Variants in SOX13 observed in about 807,000 individuals in gnomAD.
The protein encoded by SOX13 is transcription factor SOX-13.
A neutral mutation model predicts 71.8 loss-of-function variants in SOX13; 28 were observed. The ratio of observed to expected loss-of-function variants is 0.39; its 90% CI spans 0.29 to 0.53. The LOEUF is 0.53. Among genes scored for constraint, SOX13 ranks in the 20% least tolerant of loss-of-function variants. SOX13 has a pLI of 0.70. For missense variants in SOX13, 627 were observed against 810.3 expected (o/e 0.77, Z 2.75); for synonymous variants, 309 against 317.8 (o/e 0.97, Z 0.29).
At chr1:204,085,211 G>T (rs1655991372) in intron 1 of SOX13, among the ~76,000 whole-genome samples, 1 of 152,208 alleles carries the variant, frequency 6.6e-6, no homozygotes. Flanking sequence ...TATAGTACCA[G>T]CACAGACAGA....
intron 1 of SOX13, among the ~76,000 whole-genome samples, chr1:204,089,789 C>T (rs1656104387): frequency 6.6e-6 from 1 of 152,210 alleles, no homozygotes; most frequent in Non-Finnish European, 1.5e-5. Flanking sequence ...CAGGGCTCAT[C>T]ACTGGTCCCC....
intron 1 of SOX13, among the ~76,000 whole-genome samples, chr1:204,099,678 G>C (rs1656322710): frequency 6.6e-6 from 1 of 152,054 alleles, no homozygotes; most frequent in Admixed American, 6.6e-5. Flanking sequence ...CTCCCAAAGT[G>C]CTGGGATTAC....
intron 1 of SOX13, among the ~76,000 whole-genome samples, chr1:204,085,935 C>T (rs1421403341): frequency 2.7e-5 from 4 of 149,850 alleles, no homozygotes; most frequent in Non-Finnish European, 5.9e-5. Flanking sequence ...TGCCACTGCA[C>T]TTCAGCCTGG....
At chr1:204,074,804 A>G (rs1237061898) in intron 1 of SOX13, among the ~76,000 whole-genome samples, 7 of 152,242 alleles carry the variant, frequency 4.6e-5, no homozygotes, top group Non-Finnish European at 1.5e-5. Context: ...CCCGCCCTGG[A>G]GGGCCCGCGG....
intron 1 of SOX13, among the ~76,000 whole-genome samples, chr1:204,098,488 T>TTTGTTG (rs573774494): frequency 1.3e-5 from 2 of 151,628 alleles, no homozygotes; most frequent in Admixed American, 6.6e-5. Context: ...AAAAAAAAAT[T>TTTGTTG]TTGTTGTTGT....
At chr1:204,084,329 T>G (rs1183907391) in intron 1 of SOX13, among the ~76,000 whole-genome samples, 3 of 151,992 alleles carry the variant, frequency 2.0e-5, no homozygotes, top group South Asian at 2.1e-4. Context: ...CAGGCAGCTG[T>G]GGGGGGTGCA....
chr1:204,114,592 C>A lies in SOX13; in HGVS notation c.405C>A (p.Ala135=). 6.2e-7 allele frequency: 1 copy of A among 1,612,232 alleles called. No homozygotes were observed. Among genetic ancestry groups the A allele is most frequent in the Non-Finnish European group, 8.5e-7 (1 of 1,178,376 alleles). The part of the protein sequence containing the change: ...ERFLGRNSME[A]KDVKGTQESL... The stretch of plus-strand genomic sequence containing the variant: ...TTCTAGGAAGGAACTCTATGGAAGC[C>A]AAAGATGTCAAAGGTGAAGGCCTGT... The change falls in exon 4 of 14, where the codon GCC becomes GCA. Residue 135 remains alanine, a synonymous_variant. Coordinates refer to ENST00000367204, the MANE Select transcript of SOX13 (RefSeq NM_005686.3).
At chr1:204,077,302 C>T (rs930310764) in intron 1 of SOX13, among the ~76,000 whole-genome samples, 8 of 152,202 alleles carry the variant, frequency 5.3e-5, no homozygotes, top group Non-Finnish European at 5.9e-5. Context: ...GCAGGCGATG[C>T]ATCCATCAGA....
chr1:204,115,492 TAAA>T (rs71145062), intron 4 of SOX13, among the ~76,000 whole-genome samples: 1 of 49,928 alleles, frequency 2.0e-5, no homozygotes, highest in Non-Finnish European at 3.6e-5. Flanking sequence ...TTTTTTTTTT[TAAA>T]AAAAAAAAAA....
intron 4 of SOX13, chr1:204,116,017 T>C (rs1656685251): frequency 2.5e-6 from 1 of 398,358 alleles, no homozygotes; most frequent in South Asian, 2.3e-5. Flanking sequence ...ATTATTATTA[T>C]GCCCACTTAC....
chr1:204,092,096 G>A (rs377321422), intron 1 of SOX13, among the ~76,000 whole-genome samples: 2 of 152,108 alleles, frequency 1.3e-5, no homozygotes, highest in East Asian at 3.9e-4. Context: ...TGCCCAGGCT[G>A]GAGTGCAGTG....
chr1:204,086,602 G>T (rs577541253), intron 1 of SOX13, among the ~76,000 whole-genome samples: 2 of 152,126 alleles, frequency 1.3e-5, no homozygotes, highest in East Asian at 3.9e-4. Flanking sequence ...CACCTGGCCT[G>T]CCTTCAACTT....
At chr1:204,117,462 C>T (rs1318007600) in intron 6 of SOX13, 131 bp from the exon 7 acceptor site, 2 of 686,192 alleles carry the variant, frequency 2.9e-6, no homozygotes, top group Admixed American at 5.4e-5. Flanking sequence ...CAAAGGGATC[C>T]TTTGGAAAAC....
In SOX13 at chr1:204,122,845, C is replaced by T. The variant is rs1047771568; in HGVS notation, c.1025-9C>T. ...GCTTCTCTTCCCTCTCTTCTGCCCT[C>T]TCCCACAGGCTTCCTTGGTGAAGGG... On this transcript the variant is annotated splice_polypyrimidine_tract_variant and intron_variant, in intron 9 of 13. Coordinates refer to ENST00000367204, the MANE Select transcript of SOX13 (RefSeq NM_005686.3). 25 of 1,530,992 alleles carry T rather than the reference C, an allele frequency of 1.6e-5. No homozygotes were observed. In the African/African-American group the frequency reaches 1.9e-4, roughly 12 times the overall value. The allele number at this position is 1,530,992 out of a possible 1,614,324, so 94.8% of individuals were successfully genotyped here.
intron 7 of SOX13, among the ~76,000 whole-genome samples, chr1:204,120,348 A>G (rs529233798): frequency 6.6e-6 from 1 of 152,206 alleles, no homozygotes; most frequent in Non-Finnish European, 1.5e-5. Context: ...AGGACCCCCA[A>G]CTGCTTTCTG....
chr1:204,126,410 T>C lies in SOX13; in HGVS notation c.*276T>C, dbSNP rs1313781262. On this transcript the variant is annotated 3_prime_UTR_variant, in exon 14 of 14. Transcript: ENST00000367204. ...GGGCTTATGGCCAGGGGACACTGTATGACTCTCCTCTCCTGCAGGTGTCTA... is the reference window on the plus strand; with the variant it reads ...GGGCTTATGGCCAGGGGACACTGTACGACTCTCCTCTCCTGCAGGTGTCTA... 4.1e-6 allele frequency: 2 copies of C among 490,924 alleles called. No homozygotes were observed. Among genetic ancestry groups the C allele is most frequent in the Non-Finnish European group, 7.4e-6 (2 of 270,902 alleles). 30.4% of individuals were successfully genotyped at this position (490,924 alleles called of 1,614,324 possible). A position where few individuals can be genotyped will look rare whatever the true frequency, so the allele number is the denominator to read the frequency against.
At chr1:204,083,155 G>C (rs1244134915) in intron 1 of SOX13, among the ~76,000 whole-genome samples, 1 of 152,222 alleles carries the variant, frequency 6.6e-6, no homozygotes, top group Non-Finnish European at 1.5e-5. Context: ...AATTGTGTGT[G>C]TAGTGGGGAA....
intron 1 of SOX13, among the ~76,000 whole-genome samples, chr1:204,094,662 C>T (rs548000917): frequency 2.7e-3 from 405 of 152,294 alleles, no homozygotes; most frequent in Non-Finnish European, 4.8e-3. Flanking sequence ...CCCCAAGGCT[C>T]CCTTGGGGCG....
intron 13 of SOX13, among the ~76,000 whole-genome samples, chr1:204,125,450 A>G (rs1297871216): frequency 6.6e-6 from 1 of 152,092 alleles, no homozygotes; most frequent in Non-Finnish European, 1.5e-5. Flanking sequence ...CCAGCTACTC[A>G]GGAGGCTGAG....
Sources: allele counts gnomAD v4.1 joint callset (sites outside exome capture counted in the v4.1 genomes callset), GRCh38; gene constraint gnomAD v4.1.1; transcripts MANE v1.5; gene names NCBI Gene and HGNC (gene_info 2026-07-23, HGNC 2026-07-21).